NOX4: variants seen among roughly 807,000 people sequenced by gnomAD.
NOX4 encodes NADPH oxidase 4.
A neutral mutation model predicts 87.6 loss-of-function variants in NOX4; 69 were observed. That is an observed-to-expected ratio of 0.79 (90% CI 0.65 to 0.96). The LOEUF is 0.96. NOX4 is among the 40% of genes least tolerant of loss of function. The pLI is 0.00. For missense variants in NOX4, 680 were observed against 681.5 expected (o/e 1.00, Z 0.02); for synonymous variants, 275 against 238.2 (o/e 1.15, Z -1.42).
At chr11:89,464,455 A>G (rs912280767) in intron 2 of NOX4, among the ~76,000 whole-genome samples, 4 of 152,196 alleles carry the variant, frequency 2.6e-5, no homozygotes, top group Non-Finnish European at 5.9e-5. Context: ...AAGTGGCAAG[A>G]TTATAAGAAA....
At chr11:89,444,103 G>C (rs1944576056) in intron 5 of NOX4, 32 bp downstream of exon 5, 1 of 1,589,274 alleles carries the variant, frequency 6.3e-7, no homozygotes, top group Non-Finnish European at 8.6e-7. Context: ...CATGACAAGT[G>C]AAAGAAAAAT....
At chr11:89,389,977 G>T (rs918413807) in intron 11 of NOX4, among the ~76,000 whole-genome samples, 1 of 152,070 alleles carries the variant, frequency 6.6e-6, no homozygotes, top group African/African-American at 2.4e-5. Flanking sequence ...GAACCTCTTA[G>T]GCACTTAATT....
the NOX4 span, among the ~76,000 whole-genome samples, chr11:89,523,994 A>C: frequency 6.6e-6 from 1 of 152,224 alleles, no homozygotes; most frequent in African/African-American, 2.4e-5. Context: ...CCAGAGGAGA[A>C]TGAACTGCAC....
intron 11 of NOX4, 99 bp from the exon 12 acceptor site, chr11:89,373,591 A>G: frequency 1.3e-6 from 1 of 765,788 alleles, no homozygotes; most frequent in Non-Finnish European, 2.3e-6. Context: ...CCCCCATATC[A>G]ATAGATAACA....
chr11:89,444,815 G>A (rs1944618107), intron 4 of NOX4, among the ~76,000 whole-genome samples: 1 of 152,008 alleles, frequency 6.6e-6, no homozygotes, highest in South Asian at 2.1e-4. Flanking sequence ...CAAAATTCAG[G>A]AAAACAATAA....
intron 2 of NOX4, among the ~76,000 whole-genome samples, chr11:89,475,075 C>T (rs1039742764): frequency 5.3e-5 from 8 of 151,644 alleles, no homozygotes; most frequent in Non-Finnish European, 1.2e-4. Context: ...ACAACATATG[C>T]TTAAGGAGTT....
chr11:89,433,098 T>A (rs2135316953), intron 6 of NOX4, among the ~76,000 whole-genome samples: 1 of 152,214 alleles, frequency 6.6e-6, no homozygotes, highest in South Asian at 2.1e-4. Flanking sequence ...TCCATACATA[T>A]AAAGTAAAAG....
At chr11:89,511,592 A>G in the NOX4 span, among the ~76,000 whole-genome samples, 1 of 152,004 alleles carries the variant, frequency 6.6e-6, no homozygotes, top group Non-Finnish European at 1.5e-5. Context: ...ACAAAAATAG[A>G]ATCCTGATTA....
the NOX4 span, among the ~76,000 whole-genome samples, chr11:89,531,264 G>A: frequency 6.6e-6 from 1 of 151,934 alleles, no homozygotes; most frequent in South Asian, 2.1e-4. Context: ...TTCTTTCTAT[G>A]AGGCCCCCTG....
chr11:89,372,770 G>A (rs1052976510), intron 12 of NOX4, among the ~76,000 whole-genome samples: 31 of 151,850 alleles, frequency 2.0e-4, no homozygotes, highest in African/African-American at 7.5e-4. Context: ...ATTCTTTCCT[G>A]TAACAATAAC....
Position 89,325,981 on chromosome 11 carries a change from TATA to T in NOX4, c.*772_*774del, listed in dbSNP as rs1395645062. ...CATATATATATATCCCTTTATAATT[TATA>T]GTAGGAATATTTTCATTACCATGCA... On this transcript the variant is annotated 3_prime_UTR_variant, in exon 18 of 18. Coordinates refer to ENST00000263317, the MANE Select transcript of NOX4 (RefSeq NM_016931.5). 1 of 149,698 alleles carries T rather than the reference TATA, an allele frequency of 6.7e-6. No homozygotes were observed. Among genetic ancestry groups the T allele is most frequent in the East Asian group, 1.9e-4 (1 of 5,136 alleles). The allele number at this position is 149,698 out of a possible 1,614,324, so 9.3% of individuals were successfully genotyped here. A position where few individuals can be genotyped will look rare whatever the true frequency, so the allele number is the denominator to read the frequency against.
chr11:89,463,969 T>C (rs1431279816), intron 2 of NOX4, among the ~76,000 whole-genome samples: 2 of 152,064 alleles, frequency 1.3e-5, no homozygotes, highest in South Asian at 2.1e-4. Context: ...GCTCAAAGGA[T>C]TGTATATGAC....
chr11:89,461,015 G>A (rs963847660), intron 2 of NOX4, among the ~76,000 whole-genome samples: 1 of 152,108 alleles, frequency 6.6e-6, no homozygotes, highest in African/African-American at 2.4e-5. Flanking sequence ...GTAGGGACAT[G>A]GGTGAAATTG....
intron 8 of NOX4, 70 bp from the exon 9 acceptor site, chr11:89,402,612 AAAT>A: frequency 8.1e-7 from 1 of 1,231,558 alleles, no homozygotes; most frequent in Non-Finnish European, 1.2e-6. Flanking sequence ...CGGTAAAAGA[AAAT>A]AATGTTTTTG....
chr11:89,587,643 C>T, the NOX4 span, among the ~76,000 whole-genome samples: 1 of 151,978 alleles, frequency 6.6e-6, no homozygotes, highest in African/African-American at 2.4e-5. Context: ...GGATTAGTGG[C>T]TTAGGGACAA....
the NOX4 span, chr11:89,545,368 G>T: frequency 6.6e-6 from 1 of 152,114 alleles, no homozygotes; most frequent in South Asian, 2.1e-4. Flanking sequence ...TTTTAATTTA[G>T]AAACCTTTTT....
chr11:89,438,732 TATACTATATATA>T (rs1299883313), intron 6 of NOX4, among the ~76,000 whole-genome samples: 69 of 75,888 alleles, frequency 9.1e-4, no homozygotes, highest in Admixed American at 1.3e-3. Context: ...TTATATCATA[TATACTATATATA>T]ATACTATATA....
At chr11:89,410,153 G>A (rs1279647223) in intron 8 of NOX4, among the ~76,000 whole-genome samples, 2 of 152,090 alleles carry the variant, frequency 1.3e-5, no homozygotes, top group African/African-American at 4.8e-5. Flanking sequence ...GAACAAAAAT[G>A]TGCCAGTCTA....
At chr11:89,576,979 T>C in the NOX4 span, 1 of 152,266 alleles carries the variant, frequency 6.6e-6, no homozygotes, top group East Asian at 1.9e-4. Context: ...ATATAACATG[T>C]GAAGAATGCC....
Sources: gnomAD v4.1 joint callset for allele counts (sites outside exome capture counted in the v4.1 genomes callset) on GRCh38, gnomAD v4.1.1 for gene constraint, MANE v1.5 for transcripts, NCBI Gene and HGNC (gene_info 2026-07-23, HGNC 2026-07-21) for gene names.